The following ADAMTS19 variants were observed in gnomAD, a reference collection of about 807,000 sequenced individuals.
ADAMTS19 encodes ADAM metallopeptidase with thrombospondin type 1 motif 19, also known as A disintegrin and metalloproteinase with thrombospondin motifs 19.
A neutral mutation model predicts 153.3 loss-of-function variants in ADAMTS19; 93 were observed. That is an observed-to-expected ratio of 0.61 (90% CI 0.51 to 0.72). The LOEUF is 0.72. Ranked by LOEUF, ADAMTS19 falls within the 30% of genes least tolerant of loss-of-function variation. ADAMTS19 has a pLI of 0.00. For synonymous variants in ADAMTS19, 600 were observed against 556.6 expected (o/e 1.08, Z -1.10); for missense variants, 1,482 against 1,552.1 (o/e 0.95, Z 0.76).
At chr5:129,470,665 T>C (rs982089560) in intron 2 of ADAMTS19, among the ~76,000 whole-genome samples, 1 of 152,130 alleles carries the variant, frequency 6.6e-6, no homozygotes, top group East Asian at 1.9e-4. Context: ...AGGGATTAGA[T>C]AGTTTAGTGC....
intron 7 of ADAMTS19, among the ~76,000 whole-genome samples, chr5:129,556,297 T>C (rs1753308689): frequency 6.6e-6 from 1 of 152,196 alleles, no homozygotes; most frequent in Non-Finnish European, 1.5e-5. Context: ...CATTTCACAA[T>C]GAATGGCTTA....
At chr5:129,542,170 C>T (rs1036072134) in intron 6 of ADAMTS19, among the ~76,000 whole-genome samples, 1 of 152,004 alleles carries the variant, frequency 6.6e-6, no homozygotes, top group Non-Finnish European at 1.5e-5. Flanking sequence ...AAGAATCAGG[C>T]GTCAGGAAAG....
intron 19 of ADAMTS19, among the ~76,000 whole-genome samples, chr5:129,697,887 T>C (rs1444841067): frequency 1.3e-5 from 2 of 152,250 alleles, no homozygotes; most frequent in Non-Finnish European, 2.9e-5. Flanking sequence ...TATTGCCATA[T>C]AGTTGTTCCA....
In ADAMTS19 at chr5:129,564,027, C is replaced by T. The variant is rs530671444; in HGVS notation, c.1372+12120C>T. 8.2e-4 allele frequency among the ~76,000 whole-genome samples: 125 copies of T among 152,012 alleles called. 1 individual carries two copies. The highest frequency in any genetic ancestry group is 1.5e-3 in the Non-Finnish European group (103 of 68,018). On this transcript the variant is annotated intron_variant, in intron 7 of 22. Transcript: ENST00000274487. ...CTCCGCCTCCTGGGTTCAAGCGATTCGCCTGCCTCAGCCTCCCCCTTAGCT... is the reference window on the plus strand; with the variant it reads ...CTCCGCCTCCTGGGTTCAAGCGATTTGCCTGCCTCAGCCTCCCCCTTAGCT...
At position 129,461,659 on chromosome 5, in the gene ADAMTS19, C is replaced by T; in HGVS notation, c.649C>T (p.Gln217Ter). The T allele has an allele frequency of 6.3e-7, 1 of 1,587,736 alleles. No homozygotes were observed. The highest frequency in any genetic ancestry group is 8.5e-7 in the Non-Finnish European group (1 of 1,172,902). ...CCCCACGGGGGCAGCATCCGCCCCGCAACCTCCCGCGCCACCAGACGCAGG... is the reference window on the plus strand; with the variant it reads ...CCCCACGGGGGCAGCATCCGCCCCGTAACCTCCCGCGCCACCAGACGCAGG... Reference protein sequence around the residue: ...PGPTGAASAPQPPAPPDAGCF... With the variant: ...PGPTGAASAP The change falls in exon 2 of 23, where the codon CAA (glutamine) becomes TAA (stop). Residue 217 changes from glutamine to a stop codon, truncating the protein, a stop_gained. Coordinates refer to ENST00000274487, the MANE Select transcript of ADAMTS19 (RefSeq NM_133638.6). LOFTEE classifies it high-confidence loss of function. This position sits in a 1 kb window ranked among gnomAD's most constrained non-coding sequence, Gnocchi z 4.6.
chr5:129,545,133 A>G (rs1034448803), intron 6 of ADAMTS19, among the ~76,000 whole-genome samples: 1 of 152,148 alleles, frequency 6.6e-6, no homozygotes, highest in African/African-American at 2.4e-5. Context: ...GGATTATAAA[A>G]CAAGCATGTC....
chr5:129,529,109 A>AT (rs1363847065), intron 6 of ADAMTS19, among the ~76,000 whole-genome samples: 1 of 152,156 alleles, frequency 6.6e-6, no homozygotes. Context: ...TCTCTGACTG[A>AT]TTAATTATAA....
intron 17 of ADAMTS19, 90 bp from the exon 18 acceptor site, chr5:129,684,030 A>G: frequency 7.3e-7 from 1 of 1,369,280 alleles, no homozygotes. Flanking sequence ...CACAATGAGC[A>G]TTTTAAGTAT....
At chr5:129,520,446 C>T (rs1328877364) in intron 3 of ADAMTS19, among the ~76,000 whole-genome samples, 1 of 152,136 alleles carries the variant, frequency 6.6e-6, no homozygotes, top group Non-Finnish European at 1.5e-5. Context: ...ATATGAGTAA[C>T]GTCAGCCTCT....
At chr5:129,530,454 C>T (rs970938046) in intron 6 of ADAMTS19, among the ~76,000 whole-genome samples, 4 of 152,078 alleles carry the variant, frequency 2.6e-5, no homozygotes, top group Admixed American at 2.6e-4. Context: ...TTTCCATCAG[C>T]CAGTGGGTTG....
chr5:129,688,005 C>G (rs932126724), intron 18 of ADAMTS19: 3 of 152,144 alleles, frequency 2.0e-5, no homozygotes, highest in African/African-American at 4.8e-5. Flanking sequence ...GTTTAGTCAA[C>G]AGTTTTCGAT....
chr5:129,695,119 C>T (rs1200737436), intron 19 of ADAMTS19, among the ~76,000 whole-genome samples: 1 of 152,096 alleles, frequency 6.6e-6, no homozygotes, highest in Non-Finnish European at 1.5e-5. Context: ...TTCATAACCT[C>T]TAGGTCACCT....
At chr5:129,671,226 C>T (rs540352526) in intron 16 of ADAMTS19, among the ~76,000 whole-genome samples, 67 of 152,022 alleles carry the variant, frequency 4.4e-4, no homozygotes, top group African/African-American at 1.6e-3. Context: ...TAGGAAACAC[C>T]CAGTAGCTTC....
At position 129,721,037 on chromosome 5, in the gene ADAMTS19, C is replaced by A. The variant is rs1468133741; in HGVS notation, c.3313-13895C>A. On this transcript the variant is annotated intron_variant, in intron 21 of 22. Coordinates refer to ENST00000274487, the MANE Select transcript of ADAMTS19 (RefSeq NM_133638.6). ...AAGAACCCATTGACATCATGGTTGA[C>A]TATTCTCTTGTCTCATTTGGGCACT... 2.0e-5 allele frequency among the ~76,000 whole-genome samples: 3 copies of A among 152,184 alleles called. 1 individual carries two copies. Among genetic ancestry groups the A allele is most frequent in the Non-Finnish European group, 4.4e-5 (3 of 68,032 alleles).
intron 20 of ADAMTS19, among the ~76,000 whole-genome samples, chr5:129,702,443 G>T (rs1035436548): frequency 2.4e-4 from 36 of 152,132 alleles, no homozygotes; most frequent in African/African-American, 8.0e-4. Context: ...ATGCAAAAAT[G>T]ATAATTAAAA....
chr5:129,467,313 G>T (rs541564179), intron 2 of ADAMTS19, among the ~76,000 whole-genome samples: 4 of 152,148 alleles, frequency 2.6e-5, no homozygotes, highest in African/African-American at 9.7e-5. Flanking sequence ...ACCAAGATTA[G>T]TTAGGGAGAG....
intron 3 of ADAMTS19, among the ~76,000 whole-genome samples, chr5:129,516,634 G>T (rs1457429880): frequency 6.6e-6 from 1 of 151,620 alleles, no homozygotes; most frequent in Non-Finnish European, 1.5e-5. Context: ...TGCAGTATTG[G>T]TTGTAATGTC....
intron 8 of ADAMTS19, among the ~76,000 whole-genome samples, chr5:129,619,715 A>G (rs551500122): frequency 1.3e-5 from 2 of 151,952 alleles, no homozygotes; most frequent in Non-Finnish European, 2.9e-5. Flanking sequence ...AAGACTTTGT[A>G]TATACTGTCA....
chr5:129,527,619 T>A (rs1341728199), intron 4 of ADAMTS19, 129 bp from the exon 5 acceptor site: 3 of 178,500 alleles, frequency 1.7e-5, no homozygotes, highest in African/African-American at 1.8e-4. Flanking sequence ...TTACAAGCTT[T>A]TTTTTTTTTT....
Sources: allele counts gnomAD v4.1 joint callset (sites outside exome capture counted in the v4.1 genomes callset), GRCh38; gene constraint gnomAD v4.1.1; non-coding constraint Gnocchi (gnomAD v3.1); transcripts MANE v1.5; gene names NCBI Gene and HGNC (gene_info 2026-07-23, HGNC 2026-07-21).